Variants in CBX6 observed in about 807,000 individuals in gnomAD.
The protein encoded by CBX6 is chromobox protein homolog 6.
Under a neutral mutation model 28.4 loss-of-function variants are expected in CBX6, and 7 were observed. That is an observed-to-expected ratio of 0.25 (90% CI 0.14 to 0.46). The LOEUF is 0.46. Among genes scored for constraint, CBX6 ranks in the 20% least tolerant of loss-of-function variants. The probability of loss-of-function intolerance (pLI) is 0.99; values close to 1 mark genes in which losing one functional copy is unlikely to be tolerated. For missense variants in CBX6, 512 were observed against 606.1 expected (o/e 0.84, Z 1.63); for synonymous variants, 297 against 273.4 (o/e 1.09, Z -0.85).
chr22:38,867,227 G>GCC, intron 4 of CBX6, 26 bp from the exon 5 acceptor site: 1 of 881,776 alleles, frequency 1.1e-6, no homozygotes, highest in Non-Finnish European at 1.7e-6. Context: ...GGGGTGGGTG[G>GCC]GACCTCAGGA....
In CBX6 at chr22:38,864,175, C is replaced by T. The variant is rs1568993779; in HGVS notation, c.*2034G>A. The T allele has an allele frequency of 6.6e-6, 1 of 151,818 alleles. No homozygotes were observed. Among genetic ancestry groups the T allele is most frequent in the Non-Finnish European group, 1.5e-5 (1 of 67,926 alleles). 9.4% of individuals were successfully genotyped at this position (151,818 alleles called of 1,614,324 possible). ...ACTATTTTTTCTTAAATAGCTCTTT[C>T]TCCCCCGCCACCCCCCCATAGGAAT... On this transcript the variant is annotated 3_prime_UTR_variant, in exon 5 of 5. Coordinates refer to ENST00000407418, the MANE Select transcript of CBX6 (RefSeq NM_014292.5).
chr22:38,866,463 G>A lies in CBX6; in HGVS notation c.985C>T (p.Pro329Ser), dbSNP rs776604226. The A allele has an allele frequency of 2.0e-5, 32 of 1,604,772 alleles. No homozygotes were observed. The South Asian group carries it at 3.4e-4, about 17-fold the overall frequency. ...PESAATSKRA[P>S]PEVTAAAGPA... ...CCGGCAGCAGCTGTGACCTCAGGCGGTGCCCGCTTGCTGGTGGCTGCCGAC... is the reference window on the plus strand; with the variant it reads ...CCGGCAGCAGCTGTGACCTCAGGCGATGCCCGCTTGCTGGTGGCTGCCGAC... Residue 329 changes from proline to serine, a missense_variant, in exon 5 of 5, where the codon CCG becomes TCG. Pro to Ser is a moderately conservative substitution (Grantham distance 74, BLOSUM62 -1). Transcript: ENST00000407418. This position sits in a 1 kb window ranked among gnomAD's most constrained non-coding sequence, Gnocchi z 7.5.
intron 4 of CBX6, among the ~76,000 whole-genome samples, chr22:38,869,117 C>T (rs1264755043): frequency 6.6e-6 from 1 of 152,224 alleles, no homozygotes; most frequent in Non-Finnish European, 1.5e-5. Flanking sequence ...GACCCCTTCC[C>T]ACACAAAGGC....
Position 38,871,275 on chromosome 22 carries a change from AC to A in CBX6, c.246+204del. The A allele has an allele frequency of 1.5e-6, 1 of 650,506 alleles. No homozygotes were observed. Among genetic ancestry groups the A allele is most frequent in the Non-Finnish European group, 2.7e-6 (1 of 365,982 alleles). The allele number at this position is 650,506 out of a possible 1,614,324, so 40.3% of individuals were successfully genotyped here. ...AGGGAGGATTATCCCCAGTCCCAAA[AC>A]CCTCTTGTTGAAGCTGATGCTGGCT... On this transcript the variant is annotated intron_variant, in intron 4 of 4. Transcript: ENST00000407418. This position sits in a 1 kb window ranked among gnomAD's most constrained non-coding sequence, Gnocchi z 5.6.
At position 38,870,871 on chromosome 22, in the gene CBX6, C is replaced by T. The variant is rs138364385; in HGVS notation, c.246+609G>A. The T allele has an allele frequency of 5.1e-3, 794 of 154,480 alleles. 10 individuals carry two copies. The highest frequency in any genetic ancestry group is 0.018 in the African/African-American group (756 of 41,598). The allele number at this position is 154,480 out of a possible 1,614,324, so 9.6% of individuals were successfully genotyped here. ...TATGCTCTCACTCCCACATCCCCAT[C>T]CCCCAGAAATGGCCGGGAGTGGGGG... On this transcript the variant is annotated intron_variant, in intron 4 of 4. Coordinates refer to ENST00000407418, the MANE Select transcript of CBX6 (RefSeq NM_014292.5). This position sits in a 1 kb window ranked among gnomAD's most constrained non-coding sequence, Gnocchi z 4.3.
At position 38,863,060 on chromosome 22, in the gene CBX6, G is replaced by A. The variant is rs1435914439; in HGVS notation, c.*3149C>T. ...CCCTTTGCAGGGTGAGAACAAAGAG[G>A]GGTTGTGGGCAGCTGGGGGCCCCAG... On this transcript the variant is annotated 3_prime_UTR_variant, in exon 5 of 5. Coordinates refer to ENST00000407418, the MANE Select transcript of CBX6 (RefSeq NM_014292.5). 1 of 152,224 alleles carries A rather than the reference G, an allele frequency of 6.6e-6. No homozygotes were observed. Among genetic ancestry groups the A allele is most frequent in the African/African-American group, 2.4e-5 (1 of 41,444 alleles). 9.4% of individuals were successfully genotyped at this position (152,224 alleles called of 1,614,324 possible).
In CBX6 at chr22:38,871,131, A is replaced by C; in HGVS notation, c.246+349T>G. The C allele has an allele frequency of 3.4e-6, 1 of 290,842 alleles. No individual in the cohort carries two copies. The highest frequency in any genetic ancestry group is 6.5e-6 in the Non-Finnish European group (1 of 153,246). 18.0% of individuals were successfully genotyped at this position (290,842 alleles called of 1,614,324 possible). On this transcript the variant is annotated intron_variant, in intron 4 of 4. Transcript: ENST00000407418. The surrounding 1 kb of genome is among the most constrained non-coding windows in gnomAD (Gnocchi z 5.6). ...CCCACTCACTCTCCCCCTGGGTTCC[A>C]ACTCCCAGCACAGTCATAACAGCTC...
Position 38,871,998 on chromosome 22 carries a change from C to T in CBX6, c.70-53G>A. 7.0e-7 allele frequency: 1 copy of T among 1,426,226 alleles called. No individual in the cohort carries two copies. The highest frequency in any genetic ancestry group is 9.3e-7 in the Non-Finnish European group (1 of 1,076,480). 88.3% of individuals were successfully genotyped at this position (1,426,226 alleles called of 1,614,324 possible). A position where few individuals can be genotyped will look rare whatever the true frequency, so the allele number is the denominator to read the frequency against. On this transcript the variant is annotated intron_variant, in intron 1 of 4. Transcript: ENST00000407418. The surrounding 1 kb of genome is among the most constrained non-coding windows in gnomAD (Gnocchi z 5.6). ...GGTGGGGGTGGGGAGGATGCGGGGACGCGAGGAGGCGGCGGCGCGGGGCTG... is the reference window on the plus strand; with the variant it reads ...GGTGGGGGTGGGGAGGATGCGGGGATGCGAGGAGGCGGCGGCGCGGGGCTG...
In CBX6 at chr22:38,861,880, ATATATG is replaced by A. The variant is rs2093157978; in HGVS notation, c.*4323_*4328del. The A allele has an allele frequency of 6.6e-6, 1 of 152,268 alleles. No individual in the cohort carries two copies. The allele number at this position is 152,268 out of a possible 1,614,324, so 9.4% of individuals were successfully genotyped here. A position where few individuals can be genotyped will look rare whatever the true frequency, so the allele number is the denominator to read the frequency against. The stretch of plus-strand genomic sequence containing the variant: ...AGTGCCCCTCCCCAAATATAGAGCT[ATATATG>A]TATATTTTATATATATAGAATTCAT... On this transcript the variant is annotated 3_prime_UTR_variant, in exon 5 of 5. Coordinates refer to ENST00000407418, the MANE Select transcript of CBX6 (RefSeq NM_014292.5).
Position 38,866,399 on chromosome 22 carries a change from G to A in CBX6, c.1049C>T (p.Ser350Phe). 6.2e-7 allele frequency: 1 copy of A among 1,613,082 alleles called. No individual in the cohort carries two copies. The highest frequency in any genetic ancestry group is 8.5e-7 in the Non-Finnish European group (1 of 1,179,860). Residue 350 changes from serine to phenylalanine, a missense_variant, in exon 5 of 5, where the codon TCC (serine) becomes TTC (phenylalanine). Coordinates refer to ENST00000407418, the MANE Select transcript of CBX6 (RefSeq NM_014292.5). This position sits in a 1 kb window ranked among gnomAD's most constrained non-coding sequence, Gnocchi z 7.5. ...CCAGTCCCCAGCCTCGGGCTCGGAG[G>A]AGGCACCGGCGGGCTCAGGGGCCGT... ...PPTAPEPAGA[S>F]SEPEAGDWRP...
In CBX6 at chr22:38,861,947, T is replaced by TA. The variant is rs1261817674; in HGVS notation, c.*4261dup. On this transcript the variant is annotated 3_prime_UTR_variant, in exon 5 of 5. Transcript: ENST00000407418. Reference sequence around the variant, plus strand: ...TTCATTAAATGAACGTCTCAAAAATTAAAAAAATTATAAGATACGTATTTC... The same window carrying TA: ...TTCATTAAATGAACGTCTCAAAAATTAAAAAAAATTATAAGATACGTATTTC... 1 of 152,250 alleles carries TA rather than the reference T, an allele frequency of 6.6e-6. No individual in the cohort carries two copies. The highest frequency in any genetic ancestry group is 2.4e-5 in the African/African-American group (1 of 41,540). The allele number at this position is 152,250 out of a possible 1,614,324, so 9.4% of individuals were successfully genotyped here. A position where few individuals can be genotyped will look rare whatever the true frequency, so the allele number is the denominator to read the frequency against.
chr22:38,866,751 C>A lies in CBX6; in HGVS notation c.697G>T (p.Ala233Ser), dbSNP rs757473699. The A allele has an allele frequency of 6.2e-7, 1 of 1,609,900 alleles. No individual in the cohort carries two copies. Among genetic ancestry groups the A allele is most frequent in the South Asian group, 1.1e-5 (1 of 90,806 alleles). Residue 233 changes from alanine to serine, a missense_variant, in exon 5 of 5, where the codon GCG becomes TCG. Around this residue, in one of 7 missense-constraint regions of CBX6, gnomAD observed 290 missense variants for 274.1 expected, o/e 1.06. Coordinates refer to ENST00000407418, the MANE Select transcript of CBX6 (RefSeq NM_014292.5). The surrounding 1 kb of genome is among the most constrained non-coding windows in gnomAD (Gnocchi z 7.5). ...GGGGCGGGCGGAGGCTTGTACAGCGCAAAGGCGCCGAACTTCATGTGGCGG... is the reference window on the plus strand; with the variant it reads ...GGGGCGGGCGGAGGCTTGTACAGCGAAAAGGCGCCGAACTTCATGTGGCGG... ...QIRHMKFGAFALYKPPPAPLV... is the reference protein window; with the variant it reads ...QIRHMKFGAFSLYKPPPAPLV...
Position 38,871,589 on chromosome 22 carries a change from G to T in CBX6, c.180-43C>A. ...CAGAGGTTAAAAAGAGCCCCTTCCCGGGCCCCACTCCGCGCTGCCCTCCCC... is the reference window on the plus strand; with the variant it reads ...CAGAGGTTAAAAAGAGCCCCTTCCCTGGCCCCACTCCGCGCTGCCCTCCCC... On this transcript the variant is annotated intron_variant, in intron 3 of 4. Coordinates refer to ENST00000407418, the MANE Select transcript of CBX6 (RefSeq NM_014292.5). The surrounding 1 kb of genome is among the most constrained non-coding windows in gnomAD (Gnocchi z 5.6). 6.2e-7 allele frequency: 1 copy of T among 1,612,664 alleles called. No homozygotes were observed. Among genetic ancestry groups the T allele is most frequent in the Non-Finnish European group, 8.5e-7 (1 of 1,179,080 alleles).
rs753965456 is a variant in CBX6, at chr22:38,872,077, G to A, written c.69+45C>T. The A allele has an allele frequency of 6.1e-4, 804 of 1,309,074 alleles. No homozygotes were observed. The highest frequency in any genetic ancestry group is 1.1e-3 in the Admixed American group (28 of 24,646). The allele number at this position is 1,309,074 out of a possible 1,614,324, so 81.1% of individuals were successfully genotyped here. On this transcript the variant is annotated intron_variant, in intron 1 of 4. Coordinates refer to ENST00000407418, the MANE Select transcript of CBX6 (RefSeq NM_014292.5). This position sits in a 1 kb window ranked among gnomAD's most constrained non-coding sequence, Gnocchi z 5.0. ...TTCGCCCCGAGGGCCCCCGGCCCCGGCCCCGGCTGCGGACAGCGGCGGCCC... is the reference window on the plus strand; with the variant it reads ...TTCGCCCCGAGGGCCCCCGGCCCCGACCCCGGCTGCGGACAGCGGCGGCCC...
At position 38,866,216 on chromosome 22, in the gene CBX6, C is replaced by A; in HGVS notation, c.1232G>T (p.Ser411Ile). 6.2e-7 allele frequency: 1 copy of A among 1,604,756 alleles called. No individual in the cohort carries two copies. Among genetic ancestry groups the A allele is most frequent in the South Asian group, 1.1e-5 (1 of 90,030 alleles). Residue 411 changes from serine (S) to isoleucine (I), a missense_variant, in exon 5 of 5, where the codon AGC (serine) becomes ATC (isoleucine). Around this residue, in one of 7 missense-constraint regions of CBX6, gnomAD observed 33 missense variants for 35.3 expected, o/e 0.94. Coordinates refer to ENST00000407418, the MANE Select transcript of CBX6 (RefSeq NM_014292.5). This position sits in a 1 kb window ranked among gnomAD's most constrained non-coding sequence, Gnocchi z 7.5. ...AAGGGGSIGA[S>I]K ...CTCCTTGGTGGAGCCCCCTCACTTG[C>A]TCGCCCCAATGCTGCCACCGCCCCC...
chr22:38,867,331 G>A, intron 4 of CBX6, 130 bp from the exon 5 acceptor site: 1 of 805,774 alleles, frequency 1.2e-6, no homozygotes, highest in Non-Finnish European at 1.9e-6. Flanking sequence ...GATAATCACT[G>A]GTCTTCATGA....
chr22:38,867,389 C>G (rs1394186672), intron 4 of CBX6, among the ~76,000 whole-genome samples, 188 bp from the exon 5 acceptor site: 1 of 152,188 alleles, frequency 6.6e-6, no homozygotes, highest in African/African-American at 2.4e-5. Flanking sequence ...AGCAATTTGC[C>G]TCTGACTCCA....
In CBX6 at chr22:38,871,827, G is replaced by A. The variant is rs2093183017; in HGVS notation, c.114-70C>T. ...GGACAGGCACGCGGCGAGAGCAAGA[G>A]CGCGCACCCCCACCCCAGGCCCCGG... is the stretch of plus-strand genomic sequence containing the variant. On this transcript the variant is annotated intron_variant, in intron 2 of 4. Coordinates refer to ENST00000407418, the MANE Select transcript of CBX6 (RefSeq NM_014292.5). This position sits in a 1 kb window ranked among gnomAD's most constrained non-coding sequence, Gnocchi z 5.6. The A allele has an allele frequency of 6.3e-7, 1 of 1,579,566 alleles. No homozygotes were observed. Among genetic ancestry groups the A allele is most frequent in the Non-Finnish European group, 8.6e-7 (1 of 1,159,958 alleles).
rs751523797 is a variant in CBX6 at position 38,866,182 on chromosome 22, C to T, written c.*27G>A. ...ATGACTTCGGGCAGGAGGGCCCCCC[C>T]AAGCCCCCCTCCTTGGTGGAGCCCC... is the stretch of plus-strand genomic sequence containing the variant. On this transcript the variant is annotated 3_prime_UTR_variant, in exon 5 of 5. Transcript: ENST00000407418. This position sits in a 1 kb window ranked among gnomAD's most constrained non-coding sequence, Gnocchi z 7.5. 1 of 1,518,920 alleles carries T rather than the reference C, an allele frequency of 6.6e-7. No homozygotes were observed. The highest frequency in any genetic ancestry group is 2.3e-4 in the Middle Eastern group (1 of 4,370). 94.1% of individuals were successfully genotyped at this position (1,518,920 alleles called of 1,614,324 possible). A position where few individuals can be genotyped will look rare whatever the true frequency, so the allele number is the denominator to read the frequency against.
Sources: allele counts gnomAD v4.1 joint callset (sites outside exome capture counted in the v4.1 genomes callset), GRCh38; gene constraint gnomAD v4.1.1; regional missense constraint gnomAD v4.1.1; non-coding constraint Gnocchi (gnomAD v3.1); transcripts MANE v1.5; gene names NCBI Gene and HGNC (gene_info 2026-07-23, HGNC 2026-07-21).